ARK2C: variants seen among roughly 807,000 people sequenced by gnomAD.
ARK2C encodes E3 ubiquitin-protein ligase ARK2C.
the ARK2C span, among the ~76,000 whole-genome samples, chr18:46,365,235 T>G: frequency 2.0e-5 from 3 of 152,170 alleles, no homozygotes; most frequent in Non-Finnish European, 2.9e-5. Flanking sequence ...AGCTCAGACC[T>G]TGAGGCTCCC....
the ARK2C span, among the ~76,000 whole-genome samples, chr18:46,342,111 T>G: frequency 6.6e-6 from 1 of 152,182 alleles, no homozygotes; most frequent in African/African-American, 2.4e-5. Context: ...TATTTCCTCC[T>G]TGGCACAGCC....
the ARK2C span, among the ~76,000 whole-genome samples, chr18:46,396,853 C>A: frequency 1.3e-5 from 2 of 152,230 alleles, no homozygotes; most frequent in African/African-American, 4.8e-5. Context: ...TTCCCAGGTT[C>A]TTGGCATGAC....
chr18:46,404,777 C>T, the ARK2C span, among the ~76,000 whole-genome samples: 2 of 151,590 alleles, frequency 1.3e-5, no homozygotes, highest in African/African-American at 4.8e-5. Flanking sequence ...CAAACACACA[C>T]ACACACACAT....
the ARK2C span, among the ~76,000 whole-genome samples, chr18:46,395,232 C>T: frequency 1.3e-5 from 2 of 152,208 alleles, no homozygotes; most frequent in Admixed American, 6.5e-5. Flanking sequence ...TGCAGGGGTC[C>T]TTGAGCCCAC....
chr18:46,361,689 C>T, the ARK2C span, among the ~76,000 whole-genome samples: 1 of 152,188 alleles, frequency 6.6e-6, no homozygotes, highest in Admixed American at 6.5e-5. Context: ...GAAGAGCCTA[C>T]CCTACTCAAG....
At chr18:46,441,829 G>A in the ARK2C span, among the ~76,000 whole-genome samples, 1 of 138,272 alleles carries the variant, frequency 7.2e-6, no homozygotes, top group Non-Finnish European at 1.5e-5. Context: ...GGAGCTTGCA[G>A]TGAGCCTGGG....
At chr18:46,447,526 C>T in the ARK2C span, 5 of 1,613,370 alleles carry the variant, frequency 3.1e-6, no homozygotes, top group Admixed American at 5.0e-5. Flanking sequence ...GGCTAAATCA[C>T]ACCACCCTAT....
At chr18:46,400,757 C>G in the ARK2C span, among the ~76,000 whole-genome samples, 4 of 152,140 alleles carry the variant, frequency 2.6e-5, no homozygotes, top group African/African-American at 7.2e-5. Context: ...ATTGTGTCGG[C>G]TTTCAGTAGC....
the ARK2C span, among the ~76,000 whole-genome samples, chr18:46,413,999 A>G: frequency 6.6e-6 from 1 of 152,154 alleles, no homozygotes. Flanking sequence ...TCTCTTAGAA[A>G]TGTTTGCTAT....
At chr18:46,363,460 G>A in the ARK2C span, among the ~76,000 whole-genome samples, 11 of 152,182 alleles carry the variant, frequency 7.2e-5, no homozygotes, top group African/African-American at 4.8e-5. Context: ...GACAGTGCCC[G>A]TTCCTGGCTT....
At chr18:46,370,504 A>G in the ARK2C span, among the ~76,000 whole-genome samples, 1 of 152,154 alleles carries the variant, frequency 6.6e-6, no homozygotes, top group Non-Finnish European at 1.5e-5. Flanking sequence ...AATAGGAATG[A>G]CTTTTCTGTC....
At chr18:46,425,427 C>T in the ARK2C span, among the ~76,000 whole-genome samples, 21 of 152,326 alleles carry the variant, frequency 1.4e-4, no homozygotes, top group African/African-American at 5.1e-4. Context: ...ATGTCAGGTG[C>T]CCTGTGGGGC....
chr18:46,405,610 T>C, the ARK2C span, among the ~76,000 whole-genome samples: 1 of 152,120 alleles, frequency 6.6e-6, no homozygotes, highest in Admixed American at 6.5e-5. Flanking sequence ...CCTGGGATGC[T>C]GACCTGGGCC....
the ARK2C span, chr18:46,433,116 G>A: frequency 2.0e-5 from 24 of 1,186,900 alleles, no homozygotes; most frequent in Admixed American, 6.6e-4. Context: ...AGGCTGCCCC[G>A]GGTGGGCACA....
the ARK2C span, chr18:46,450,951 A>C: frequency 6.3e-6 from 4 of 631,986 alleles, no homozygotes; most frequent in South Asian, 7.6e-5. Flanking sequence ...ATAACTTCCC[A>C]GGGTCATGTT....
chr18:46,334,670 CCGTG>C, the ARK2C span: 97 of 293,092 alleles, frequency 3.3e-4, no homozygotes, highest in African/African-American at 2.9e-3. This position sits in a 1 kb window ranked among gnomAD's most constrained non-coding sequence, Gnocchi z 4.4. Flanking sequence ...AGATACATGA[CCGTG>C]TGTGTGTGTG....
At chr18:46,432,665 TAC>T in the ARK2C span, among the ~76,000 whole-genome samples, 1 of 152,342 alleles carries the variant, frequency 6.6e-6, no homozygotes, top group Admixed American at 6.5e-5. Context: ...TCATTAAAGA[TAC>T]ACTTCCCCGG....
At chr18:46,434,292 A>G in the ARK2C span, among the ~76,000 whole-genome samples, 2 of 152,244 alleles carry the variant, frequency 1.3e-5, no homozygotes, top group Admixed American at 6.5e-5. Flanking sequence ...GATGTTTACC[A>G]TATTAAAAAT....
At chr18:46,427,151 T>C in the ARK2C span, among the ~76,000 whole-genome samples, 2 of 152,120 alleles carry the variant, frequency 1.3e-5, no homozygotes, top group African/African-American at 2.4e-5. Flanking sequence ...ACTCTGGGGA[T>C]GGAGATGGTG....
Sources: allele counts gnomAD v4.1 joint callset (sites outside exome capture counted in the v4.1 genomes callset), GRCh38; gene constraint gnomAD v4.1.1; non-coding constraint Gnocchi (gnomAD v3.1); transcripts MANE v1.5; gene names NCBI Gene and HGNC (gene_info 2026-07-23, HGNC 2026-07-21).